SLC6A12: variants seen among roughly 807,000 people sequenced by gnomAD.
SLC6A12 encodes solute carrier family 6 member 12, also known as sodium- and chloride-dependent betaine transporter.
In SLC6A12, 50 loss-of-function variants were observed where a neutral mutation model predicts 73.3. That is an observed-to-expected ratio of 0.68 (90% CI 0.54 to 0.86). The LOEUF (loss-of-function observed/expected upper bound fraction) is 0.86. SLC6A12 is among the 40% of genes least tolerant of loss of function. The probability of loss-of-function intolerance (pLI) is 0.00; values close to 1 mark genes in which losing one functional copy is unlikely to be tolerated. For synonymous variants in SLC6A12, 304 were observed against 309.2 expected (o/e 0.98, Z 0.18); for missense variants, 648 against 772.8 (o/e 0.84, Z 1.92).
In SLC6A12 at chr12:197,106, C is replaced by CATCTATCCATCTATCCATCCATCT. The variant is rs1565468920; in HGVS notation, c.1076-225_1076-224insAGATGGATGGATAGATGGATAGAT. 1.0e-3 allele frequency among the ~76,000 whole-genome samples: 61 copies of CATCTATCCATCTATCCATCCATCT among 58,648 alleles called. 1 individual carries two copies. Among genetic ancestry groups the CATCTATCCATCTATCCATCCATCT allele is most frequent in the African/African-American group, 4.1e-3 (56 of 13,564 alleles). 38.5% of individuals were successfully genotyped at this position (58,648 alleles called of 152,430 possible). A position where few individuals can be genotyped will look rare whatever the true frequency, so the allele number is the denominator to read the frequency against. On this transcript the variant is annotated intron_variant, in intron 10 of 15. Coordinates refer to ENST00000684302, the MANE Select transcript of SLC6A12 (RefSeq NM_001122848.3). ...CCATCCATCCATCCATCCATCCATC[C>CATCTATCCATCTATCCATCCATCT]ATCCATCCATCCATCCATCCATCCA...
downstream of SLC6A12, among the ~76,000 whole-genome samples, chr12:188,354 G>A (rs1434718726): frequency 6.6e-6 from 1 of 151,988 alleles, no homozygotes; most frequent in African/African-American, 2.4e-5. Flanking sequence ...CGGCGGGGCC[G>A]GCAGGCCGCT....
intron 7 of SLC6A12, among the ~76,000 whole-genome samples, chr12:200,331 A>T (rs959970877): frequency 1.3e-5 from 2 of 151,732 alleles, no homozygotes; most frequent in African/African-American, 4.9e-5. Context: ...GATGGTCTCG[A>T]TCTCCTGACC....
chr12:198,876 C>G lies in SLC6A12; in HGVS notation c.767G>C (p.Arg256Thr). ...GTAGGCTCCGGGAAGGGTGACACCT[C>G]TGATCAGCAAAATGACAAGCATCAG... The part of the protein sequence containing the change: ...PYLMLVILLI[R>T]GVTLPGAYQG... The change falls in exon 8 of 16, where the codon AGA (arginine) becomes ACA (threonine). Residue 256 changes from arginine (R) to threonine (T), a missense_variant. Arg to Thr is a moderately conservative substitution (Grantham distance 71). Coordinates refer to ENST00000684302, the MANE Select transcript of SLC6A12 (RefSeq NM_001122848.3). The surrounding 1 kb of genome is among the most constrained non-coding windows in gnomAD (Gnocchi z 4.0). 6.2e-7 allele frequency: 1 copy of G among 1,614,174 alleles called. No individual in the cohort carries two copies. Among genetic ancestry groups the G allele is most frequent in the Non-Finnish European group, 8.5e-7 (1 of 1,180,020 alleles).
chr12:197,337 C>T (rs776342622), intron 10 of SLC6A12, 40 bp downstream of exon 10: 1 of 1,587,724 alleles, frequency 6.3e-7, no homozygotes, highest in South Asian at 1.2e-5. Flanking sequence ...TTCTCTGACT[C>T]TCCTTCCCCT....
intron 7 of SLC6A12, among the ~76,000 whole-genome samples, chr12:199,400 C>T (rs550926381): frequency 1.1e-4 from 16 of 152,260 alleles, no homozygotes; most frequent in African/African-American, 3.9e-4. Flanking sequence ...TCTCCTTGCC[C>T]CCTGGCGACC....
At chr12:195,358 C>T in intron 12 of SLC6A12, 31 bp from the exon 13 acceptor site, 1 of 1,404,396 alleles carries the variant, frequency 7.1e-7, no homozygotes, top group Non-Finnish European at 1.0e-6. Flanking sequence ...TGGGGCATGG[C>T]CAGTGCAGAG....
intron 7 of SLC6A12, among the ~76,000 whole-genome samples, chr12:200,165 G>A (rs1940142836): frequency 1.4e-5 from 2 of 145,516 alleles, no homozygotes; most frequent in Middle Eastern, 3.6e-3. Flanking sequence ...CTGGAGTGCA[G>A]TGGCGCTATC....
At chr12:209,321 C>T (rs187948935) in intron 3 of SLC6A12, among the ~76,000 whole-genome samples, 158 of 152,324 alleles carry the variant, frequency 1.0e-3, no homozygotes, top group Admixed American at 2.1e-3. Flanking sequence ...ACATAGACCA[C>T]GCGGAACCGT....
Position 209,794 on chromosome 12 carries a change from G to A in SLC6A12, c.193C>T (p.Leu65Phe). ...TCACCACCTCCGTTTTTGTAGCAGA[G>A]ATAGGGAAACCTCCAGACATTGCCC... ...GLGNVWRFPY[L>F]CYKNGGGAFF... The change falls in exon 3 of 16, where the codon CTC (leucine) becomes TTC (phenylalanine). Residue 65 changes from leucine to phenylalanine, a missense_variant. Physicochemically the swap from Leu to Phe is conservative, Grantham distance 22. Transcript: ENST00000684302. 6.2e-7 allele frequency: 1 copy of A among 1,614,208 alleles called. No homozygotes were observed. The highest frequency in any genetic ancestry group is 8.5e-7 in the Non-Finnish European group (1 of 1,180,042).
At chr12:195,373 G>A in intron 12 of SLC6A12, 46 bp from the exon 13 acceptor site, 1 of 1,240,896 alleles carries the variant, frequency 8.1e-7, no homozygotes, top group Non-Finnish European at 1.2e-6. Context: ...GCAGAGCTGG[G>A]ACACACTCCA....
downstream of SLC6A12, among the ~76,000 whole-genome samples, chr12:185,468 C>T (rs1158348244): frequency 6.6e-6 from 1 of 152,196 alleles, no homozygotes; most frequent in African/African-American, 2.4e-5. Context: ...GGGGCCAGGG[C>T]CTTTTGGATG....
chr12:200,301 G>A (rs1940171739), intron 7 of SLC6A12, among the ~76,000 whole-genome samples: 2 of 151,184 alleles, frequency 1.3e-5, no homozygotes, highest in South Asian at 2.1e-4. Flanking sequence ...GTAGAGACGG[G>A]GTTTTACCGT....
intron 13 of SLC6A12, among the ~76,000 whole-genome samples, 173 bp from the exon 14 acceptor site, chr12:193,550 A>C (rs1010978854): frequency 6.6e-6 from 1 of 152,176 alleles, no homozygotes; most frequent in Non-Finnish European, 1.5e-5. Context: ...TCCCTGCATG[A>C]GATGCATTCG....
At chr12:185,775 C>A (rs1249231338), downstream of SLC6A12, among the ~76,000 whole-genome samples, 1 of 152,194 alleles carries the variant, frequency 6.6e-6, no homozygotes, top group African/African-American at 2.4e-5. Flanking sequence ...AAGCAGAGAG[C>A]GCTGGAGTGC....
At chr12:203,190 C>G (rs188729777) in intron 4 of SLC6A12, 1 of 199,522 alleles carries the variant, frequency 5.0e-6, no homozygotes, top group Non-Finnish European at 1.0e-5. Context: ...CCTCAGCCTC[C>G]GGAGTAGCTG....
downstream of SLC6A12, among the ~76,000 whole-genome samples, chr12:188,603 G>T (rs928639701): frequency 1.3e-5 from 2 of 152,198 alleles, no homozygotes; most frequent in African/African-American, 4.8e-5. Context: ...TGAGGGCTGG[G>T]GGCACGCTGT....
chr12:196,154 G>A lies in SLC6A12; in HGVS notation c.1296C>T (p.Cys432=). 1 of 1,568,514 alleles carries A rather than the reference G, an allele frequency of 6.4e-7. No individual in the cohort carries two copies. Among genetic ancestry groups the A allele is most frequent in the Non-Finnish European group, 8.6e-7 (1 of 1,156,442 alleles). Reference sequence around the variant, plus strand: ...TGACCAGGAAAAGCCCTATCAGGTAGCACATGACGGCGATGGTGAGGATGA... The same window carrying A: ...TGACCAGGAAAAGCCCTATCAGGTAACACATGACGGCGATGGTGAGGATGA... ...ELLILTIAVM[C]YLIGLFLVTE... The change falls in exon 12 of 16, where the codon TGC becomes TGT. Residue 432 remains cysteine, a synonymous_variant. Transcript: ENST00000684302.
downstream of SLC6A12, among the ~76,000 whole-genome samples, chr12:187,327 C>T (rs139709120): frequency 1.6e-4 from 24 of 152,056 alleles, no homozygotes; most frequent in African/African-American, 5.5e-4. Flanking sequence ...GGAGTTTGTT[C>T]CTTCTAACGT....
chr12:204,697 T>C lies in SLC6A12; in HGVS notation c.216A>G (p.Gly72=). Residue 72 remains glycine (G), a splice_region_variant and synonymous_variant, in exon 4 of 16, where the codon GGA becomes GGG. Transcript: ENST00000684302. The part of the protein sequence containing the change: ...FPYLCYKNGG[G]AFFIPYFIFF... ...AGATGAAGTAGGGGATGAAGAAGGC[T>C]CCTGCAGAAGAGAGAGAGGCAGGGC... 1.2e-6 allele frequency: 2 copies of C among 1,613,922 alleles called. No individual in the cohort carries two copies. The highest frequency in any genetic ancestry group is 1.3e-5 in the African/African-American group (1 of 74,982).
Sources: allele counts gnomAD v4.1 joint callset (sites outside exome capture counted in the v4.1 genomes callset), GRCh38; gene constraint gnomAD v4.1.1; non-coding constraint Gnocchi (gnomAD v3.1); transcripts MANE v1.5; gene names NCBI Gene and HGNC (gene_info 2026-07-23, HGNC 2026-07-21).